The following LRBA variants were observed in gnomAD, a reference collection of about 807,000 sequenced individuals.
LRBA encodes the protein lipopolysaccharide-responsive and beige-like anchor protein.
Under a neutral mutation model 330.0 loss-of-function variants are expected in LRBA, and 176 were observed. The observed-to-expected ratio is 0.53, with a 90% CI of 0.47 to 0.60. The LOEUF is 0.60. Among genes scored for constraint, LRBA ranks in the 20% least tolerant of loss-of-function variants. The pLI is 0.00. For missense variants in LRBA, 3,259 were observed against 3,444.8 expected (o/e 0.95, Z 1.35); for synonymous variants, 1,230 against 1,193.0 (o/e 1.03, Z -0.64).
intron 46 of LRBA, among the ~76,000 whole-genome samples, chr4:150,430,547 T>C (rs1750244866): frequency 1.3e-5 from 2 of 152,152 alleles, no homozygotes; most frequent in South Asian, 4.1e-4. Flanking sequence ...GTATCTCCTC[T>C]AGTGCAAAAG....
At chr4:150,803,107 C>CAT in intron 33 of LRBA, among the ~76,000 whole-genome samples, 2 of 142,974 alleles carry the variant, frequency 1.4e-5, no homozygotes, top group African/African-American at 5.4e-5. Context: ...CACACACACA[C>CAT]ACATATATAC....
chr4:150,985,740 C>T (rs1167410313), intron 2 of LRBA, among the ~76,000 whole-genome samples: 4 of 152,028 alleles, frequency 2.6e-5, no homozygotes, highest in Non-Finnish European at 4.4e-5. Context: ...CCTCGTGATC[C>T]GCCCGCCTCG....
At chr4:150,454,234 C>T (rs567741207) in intron 44 of LRBA, among the ~76,000 whole-genome samples, 1 of 152,190 alleles carries the variant, frequency 6.6e-6, no homozygotes, top group South Asian at 2.1e-4. Flanking sequence ...GCTGGGATTA[C>T]AGGCGTGAGC....
chr4:150,309,316 A>G (rs1226202161), intron 52 of LRBA, among the ~76,000 whole-genome samples: 1 of 152,080 alleles, frequency 6.6e-6, no homozygotes, highest in Non-Finnish European at 1.5e-5. Flanking sequence ...CTAGGTGTAT[A>G]CTGGAATATC....
chr4:151,008,401 G>A (rs1744376233), intron 2 of LRBA, among the ~76,000 whole-genome samples: 1 of 151,920 alleles, frequency 6.6e-6, no homozygotes, highest in African/African-American at 2.4e-5. Context: ...GGTTTTTATG[G>A]CATGTAAAAT....
intron 51 of LRBA, chr4:150,315,343 A>G (rs113756616): frequency 8.5e-6 from 5 of 589,266 alleles, no homozygotes; most frequent in African/African-American, 5.7e-5. Flanking sequence ...ATTTTCAGTG[A>G]CACGCGTCCT....
At chr4:150,859,899 A>G (rs912543174) in intron 22 of LRBA, among the ~76,000 whole-genome samples, 1 of 152,234 alleles carries the variant, frequency 6.6e-6, no homozygotes, top group African/African-American at 2.4e-5. Context: ...TGTATGTATA[A>G]AAGTATTATA....
At chr4:150,798,989 T>C (rs927899340) in intron 33 of LRBA, among the ~76,000 whole-genome samples, 1 of 152,326 alleles carries the variant, frequency 6.6e-6, no homozygotes, top group African/African-American at 2.4e-5. Flanking sequence ...AAACATCCTA[T>C]TGCCTTCTTT....
At chr4:150,427,769 G>A (rs1749837157) in intron 46 of LRBA, among the ~76,000 whole-genome samples, 1 of 151,812 alleles carries the variant, frequency 6.6e-6, no homozygotes, top group Non-Finnish European at 1.5e-5. Flanking sequence ...CTAAATCATC[G>A]AAGTTTAAGT....
intron 2 of LRBA, among the ~76,000 whole-genome samples, chr4:150,933,975 G>A (rs959969997): frequency 6.6e-6 from 1 of 151,764 alleles, no homozygotes; most frequent in African/African-American, 2.4e-5. Flanking sequence ...AGCAGCCCAA[G>A]ATTGTGCCAC....
chr4:150,770,750 C>T (rs1476024249), intron 34 of LRBA, among the ~76,000 whole-genome samples: 1 of 152,064 alleles, frequency 6.6e-6, no homozygotes, highest in Non-Finnish European at 1.5e-5. Flanking sequence ...TCAGCAAGCA[C>T]CTCAGCTGGT....
chr4:150,717,122 T>C (rs961162560), intron 36 of LRBA, among the ~76,000 whole-genome samples: 1 of 152,234 alleles, frequency 6.6e-6, no homozygotes, highest in African/African-American at 2.4e-5. Context: ...ACTAGCTATA[T>C]GACCTAAAAC....
chr4:150,655,472 A>G (rs1477800598), intron 37 of LRBA, among the ~76,000 whole-genome samples: 1 of 152,190 alleles, frequency 6.6e-6, no homozygotes, highest in Admixed American at 6.5e-5. Context: ...GATTCCTAGA[A>G]CTGGGGTTGC....
intron 30 of LRBA, among the ~76,000 whole-genome samples, chr4:150,824,133 G>C (rs910808928): frequency 9.9e-5 from 15 of 151,922 alleles, no homozygotes; most frequent in Admixed American, 8.5e-4. Context: ...GTCACTGAGG[G>C]ATCTTTCACT....
intron 44 of LRBA, among the ~76,000 whole-genome samples, chr4:150,440,550 A>G (rs1042925652): frequency 1.3e-5 from 2 of 152,124 alleles, no homozygotes; most frequent in East Asian, 3.9e-4. Context: ...CTGAAGCAGG[A>G]GAATAACTTG....
chr4:150,817,150 G>T lies in LRBA; in HGVS notation c.5279C>A (p.Ala1760Asp). The change falls in exon 31 of 57, where the codon GCC (alanine) becomes GAC (aspartate). Residue 1760 changes from alanine to aspartate, a missense_variant. Physicochemically the swap from Ala to Asp is moderately radical, Grantham distance 126 (BLOSUM62 -2). Transcript: ENST00000651943. ...TGGTGATTCTCCTCCCATATCTGAGGCTTGGGCTGAATCTACTGAGGAAAC... is the reference window on the plus strand; with the variant it reads ...TGGTGATTCTCCTCCCATATCTGAGTCTTGGGCTGAATCTACTGAGGAAAC... ...SVVSSVDSAQ[A>D]SDMGGESPGS... is the part of the protein sequence containing the mutation. The T allele has an allele frequency of 2.5e-6, 4 of 1,611,856 alleles. No homozygotes were observed. Among genetic ancestry groups the T allele is most frequent in the Non-Finnish European group, 2.5e-6 (3 of 1,178,444 alleles).
At chr4:150,442,464 C>A (rs1369471929) in intron 44 of LRBA, among the ~76,000 whole-genome samples, 2 of 152,162 alleles carry the variant, frequency 1.3e-5, no homozygotes, top group Admixed American at 1.3e-4. Context: ...TGCTTTACAA[C>A]CCTGCTTAGG....
At chr4:150,568,834 C>T (rs1485271548) in intron 40 of LRBA, among the ~76,000 whole-genome samples, 1 of 152,064 alleles carries the variant, frequency 6.6e-6, no homozygotes, top group Non-Finnish European at 1.5e-5. Context: ...AAATGCCTTA[C>T]AATTTTGTCA....
At chr4:150,928,675 A>C (rs1013805872) in intron 3 of LRBA, 59 bp from the exon 4 acceptor site, 82 of 1,425,860 alleles carry the variant, frequency 5.8e-5, no homozygotes, top group Admixed American at 1.9e-5. Context: ...GAATATTTAA[A>C]ATAAACTGTG....
Sources: allele counts gnomAD v4.1 joint callset (sites outside exome capture counted in the v4.1 genomes callset), GRCh38; gene constraint gnomAD v4.1.1; transcripts MANE v1.5; gene names NCBI Gene and HGNC (gene_info 2026-07-23, HGNC 2026-07-21).